Variants in TRAPPC9 observed in about 807,000 individuals in gnomAD.
TRAPPC9 encodes the protein trafficking protein particle complex subunit 9.
A neutral mutation model predicts 124.0 loss-of-function variants in TRAPPC9; 83 were observed. The observed-to-expected ratio is 0.67, with a 90% CI of 0.56 to 0.80. The LOEUF (loss-of-function observed/expected upper bound fraction) is 0.80, where lower values mean the gene tolerates loss of function less well. Ranked by LOEUF, TRAPPC9 falls within the 30% of genes least tolerant of loss-of-function variation. TRAPPC9 has a pLI of 0.00. For synonymous variants in TRAPPC9, 638 were observed against 617.5 expected (o/e 1.03, Z -0.49); for missense variants, 1,302 against 1,508.3 (o/e 0.86, Z 2.27).
intron 20 of TRAPPC9, among the ~76,000 whole-genome samples, chr8:139,890,593 C>T (rs945574094): frequency 6.6e-6 from 1 of 152,178 alleles, no homozygotes; most frequent in African/African-American, 2.4e-5. Flanking sequence ...GTGAGGGACC[C>T]CTTCCCGGTC....
At chr8:140,016,952 TTGG>T (rs1422386113) in intron 18 of TRAPPC9, among the ~76,000 whole-genome samples, 1 of 152,204 alleles carries the variant, frequency 6.6e-6, no homozygotes, top group Non-Finnish European at 1.5e-5. Flanking sequence ...TCCCTAACAT[TTGG>T]TGTTCTGTTT....
chr8:140,033,671 T>TTTTTTG (rs1563706752), intron 17 of TRAPPC9, among the ~76,000 whole-genome samples: 3,195 of 82,858 alleles, frequency 0.039, 436 homozygotes, highest in East Asian at 0.058. Flanking sequence ...TTTTTTTTTT[T>TTTTTTG]TTTTTTTTTT....
chr8:139,964,460 A>G (rs1835567902), intron 19 of TRAPPC9, among the ~76,000 whole-genome samples: 1 of 152,162 alleles, frequency 6.6e-6, no homozygotes, highest in Non-Finnish European at 1.5e-5. Flanking sequence ...TTCAGTGGCT[A>G]TGATCTAAGA....
chr8:140,327,649 T>A (rs11166970), intron 9 of TRAPPC9, among the ~76,000 whole-genome samples: 97,834 of 152,094 alleles, frequency 0.64, 31,764 homozygotes, highest in African/African-American at 0.75. Flanking sequence ...TTGAAATAAG[T>A]CAGACACAAA....
intron 17 of TRAPPC9, among the ~76,000 whole-genome samples, chr8:140,202,328 C>G (rs1328684575): frequency 6.6e-6 from 1 of 152,100 alleles, no homozygotes; most frequent in Admixed American, 6.6e-5. Context: ...CACCATGATA[C>G]TCAAAAACAG....
At chr8:139,877,533 T>C (rs1384493747) in intron 21 of TRAPPC9, among the ~76,000 whole-genome samples, 3 of 152,112 alleles carry the variant, frequency 2.0e-5, no homozygotes, top group African/African-American at 7.2e-5. Flanking sequence ...ATGGCCCTGC[T>C]CCTGGCCCAG....
rs568992881 is a variant in TRAPPC9, at chr8:140,410,612, G to A, written c.887-4914C>T. Among the ~76,000 whole-genome samples the A allele has an allele frequency of 8.9e-4, 135 of 152,312 alleles. 1 individual carries two copies. Among genetic ancestry groups the A allele is most frequent in the African/African-American group, 3.2e-3 (135 of 41,584 alleles). ...TAATCCCAGCACTTCGGAAGGCCGAGGCGGGCGGACCACAAGGTCAGGAGA... is the reference window on the plus strand; with the variant it reads ...TAATCCCAGCACTTCGGAAGGCCGAAGCGGGCGGACCACAAGGTCAGGAGA... On this transcript the variant is annotated intron_variant, in intron 5 of 22. Coordinates refer to ENST00000438773, the MANE Select transcript of TRAPPC9 (RefSeq NM_001160372.4).
chr8:139,765,168 A>T (rs1551759), intron 21 of TRAPPC9, among the ~76,000 whole-genome samples: 1 of 152,010 alleles, frequency 6.6e-6, no homozygotes, highest in African/African-American at 2.4e-5. Context: ...GGTCCCCCCA[A>T]ACACACTCTC....
At position 139,800,916 on chromosome 8, in the gene TRAPPC9, G is replaced by A. The variant is rs376384902; in HGVS notation, c.3056-68714C>T. Among the ~76,000 whole-genome samples the A allele has an allele frequency of 1.9e-3, 240 of 129,308 alleles. 1 individual carries two copies. Among genetic ancestry groups the A allele is most frequent in the African/African-American group, 6.9e-3 (228 of 32,996 alleles). 84.8% of individuals were successfully genotyped at this position (129,308 alleles called of 152,430 possible). A position where few individuals can be genotyped will look rare whatever the true frequency, so the allele number is the denominator to read the frequency against. ...GCCCTCCGGTACCTTCCCTCCCTCC[G>A]GTACCTTCCCTCCCTCCGGCACCTT... On this transcript the variant is annotated intron_variant, in intron 21 of 22. Transcript: ENST00000438773.
At chr8:140,061,928 T>C (rs1489059432) in intron 17 of TRAPPC9, among the ~76,000 whole-genome samples, 1 of 152,016 alleles carries the variant, frequency 6.6e-6, no homozygotes, top group Non-Finnish European at 1.5e-5. Context: ...AGGGTGAGAA[T>C]ACAAACAGGG....
intron 19 of TRAPPC9, among the ~76,000 whole-genome samples, chr8:139,971,201 T>C (rs929353517): frequency 6.6e-6 from 1 of 152,026 alleles, no homozygotes; most frequent in Non-Finnish European, 1.5e-5. Context: ...TCTCCTGCCT[T>C]CTCATGACCG....
chr8:140,010,393 C>A (rs1380473016), intron 18 of TRAPPC9, among the ~76,000 whole-genome samples: 1 of 152,028 alleles, frequency 6.6e-6, no homozygotes, highest in Non-Finnish European at 1.5e-5. Flanking sequence ...AATAATTTTA[C>A]TAAAAATGTT....
At chr8:140,075,480 C>T (rs374738684) in intron 17 of TRAPPC9, among the ~76,000 whole-genome samples, 25 of 152,154 alleles carry the variant, frequency 1.6e-4, no homozygotes, top group Non-Finnish European at 3.5e-4. Flanking sequence ...GCCTGCTTAT[C>T]GCCACCATGT....
At chr8:140,156,981 C>CTTTTCCATTCAAAAGCCTCCCT (rs1468161872) in intron 17 of TRAPPC9, among the ~76,000 whole-genome samples, 3 of 39,336 alleles carry the variant, frequency 7.6e-5, no homozygotes, top group Non-Finnish European at 1.0e-4. Context: ...AAAAGCCTCC[C>CTTTTCCATTCAAAAGCCTCCCT]TTTCCATTCA....
chr8:140,323,819 A>C (rs978705303), intron 9 of TRAPPC9, among the ~76,000 whole-genome samples: 30 of 152,344 alleles, frequency 2.0e-4, no homozygotes, highest in African/African-American at 7.0e-4. Context: ...ACCCATCCAC[A>C]CAAAACTCGA....
At chr8:140,384,606 C>G (rs2068703254) in intron 7 of TRAPPC9, among the ~76,000 whole-genome samples, 1 of 152,192 alleles carries the variant, frequency 6.6e-6, no homozygotes, top group African/African-American at 2.4e-5. Flanking sequence ...ATCAATTCAA[C>G]AAGAAGAGCT....
intron 9 of TRAPPC9, among the ~76,000 whole-genome samples, chr8:140,332,033 G>A (rs980403704): frequency 5.3e-5 from 8 of 152,088 alleles, no homozygotes; most frequent in South Asian, 4.1e-4. Flanking sequence ...CATGTCTACC[G>A]CAGCACTAAG....
At position 139,885,927 on chromosome 8, in the gene TRAPPC9, G is replaced by A. The variant is rs764480294; in HGVS notation, c.3007C>T (p.Leu1003=). 3 of 1,574,780 alleles carry A rather than the reference G, an allele frequency of 1.9e-6. No homozygotes were observed. The highest frequency in any genetic ancestry group is 3.7e-5 in the Admixed American group (2 of 54,766). ...AGGTGCTCCAGGACGAGCTGGTTCA[G>A]GAGTCCTTCCACACTCGCCTCGCCA... The part of the protein sequence containing the change: ...RSGEASVEGL[L]NQLVLEHLQL... The change falls in exon 21 of 23, where the codon CTG becomes TTG. Residue 1003 remains leucine (L), a synonymous_variant. Coordinates refer to ENST00000438773, the MANE Select transcript of TRAPPC9 (RefSeq NM_001160372.4).
intron 16 of TRAPPC9, among the ~76,000 whole-genome samples, chr8:140,239,973 G>T (rs1432576260): frequency 6.6e-6 from 1 of 152,160 alleles, no homozygotes; most frequent in Non-Finnish European, 1.5e-5. Flanking sequence ...CAATTTCAGA[G>T]TACAATAAGG....
Sources: allele counts gnomAD v4.1 joint callset (sites outside exome capture counted in the v4.1 genomes callset), GRCh38; gene constraint gnomAD v4.1.1; transcripts MANE v1.5; gene names NCBI Gene and HGNC (gene_info 2026-07-23, HGNC 2026-07-21).